Variants in ZC3H11A observed in about 807,000 individuals in gnomAD.
The protein encoded by ZC3H11A is zinc finger CCCH-type containing 11A.
ZC3H11A carries 22 observed loss-of-function variants against 90.8 expected under a neutral mutation model. The observed-to-expected ratio is 0.24, with a 90% CI of 0.17 to 0.35. The LOEUF (loss-of-function observed/expected upper bound fraction) is 0.35. Among genes scored for constraint, ZC3H11A ranks in the 10% least tolerant of loss-of-function variants. The probability of loss-of-function intolerance (pLI) is 1.00; values close to 1 mark genes in which losing one functional copy is unlikely to be tolerated. For missense variants in ZC3H11A, 701 were observed against 964.9 expected (o/e 0.73, Z 3.62); for synonymous variants, 294 against 339.8 (o/e 0.87, Z 1.48).
intron 12 of ZC3H11A, among the ~76,000 whole-genome samples, chr1:203,842,400 C>G (rs1455971318): frequency 6.6e-6 from 1 of 152,188 alleles, no homozygotes; most frequent in Non-Finnish European, 1.5e-5. Flanking sequence ...AGCTGGAGAC[C>G]AGCCCGGCCA....
Position 203,802,369 on chromosome 1 carries a change from T to C in ZC3H11A, c.-793T>C, listed in dbSNP as rs932489936. On this transcript the variant is annotated 5_prime_UTR_variant, in exon 2 of 18. Coordinates refer to ENST00000367210, the MANE Select transcript of ZC3H11A (RefSeq NM_001376342.1). ...ATAATGAACCCAAATCTAAAGTCTT[T>C]TATAGTGCATTTTAAAAGGGGAAAC... 6.6e-6 allele frequency: 1 copy of C among 152,580 alleles called. No homozygotes were observed. The highest frequency in any genetic ancestry group is 1.5e-5 in the Non-Finnish European group (1 of 68,022). 9.5% of individuals were successfully genotyped at this position (152,580 alleles called of 1,614,324 possible).
At chr1:203,798,228 G>A (rs1266618983) in intron 1 of ZC3H11A, 2 of 1,536,102 alleles carry the variant, frequency 1.3e-6, no homozygotes. Context: ...TGATAAATCA[G>A]CATCTGATGC....
At chr1:203,820,385 A>T (rs1678154618) in intron 4 of ZC3H11A, among the ~76,000 whole-genome samples, 2 of 151,848 alleles carry the variant, frequency 1.3e-5, no homozygotes, top group South Asian at 4.2e-4. Flanking sequence ...TGTTTTTAAG[A>T]ATGTTCTTCA....
intron 11 of ZC3H11A, among the ~76,000 whole-genome samples, 175 bp downstream of exon 11, chr1:203,838,239 C>T (rs1193855392): frequency 1.3e-5 from 2 of 152,020 alleles, no homozygotes; most frequent in Non-Finnish European, 2.9e-5. Context: ...TGGGTAGACA[C>T]CATTGAAAAA....
chr1:203,848,817 A>G lies in ZC3H11A; in HGVS notation c.1623+410A>G, dbSNP rs116509478. On this transcript the variant is annotated intron_variant, in intron 14 of 17. Transcript: ENST00000367210. The stretch of plus-strand genomic sequence containing the variant: ...GCTATGCATCATACAAAAGTTGGAA[A>G]TTTTATTTTTTTTAAAACTGAACAA... 8.1e-3 allele frequency among the ~76,000 whole-genome samples: 1,233 copies of G among 152,284 alleles called. 9 individuals are homozygous for G. The highest frequency in any genetic ancestry group is 0.024 in the Middle Eastern group (7 of 294).
rs184948696 is a variant in ZC3H11A, at chr1:203,807,745, A to G, written c.-146+4729A>G. 1.7e-3 allele frequency among the ~76,000 whole-genome samples: 264 copies of G among 150,916 alleles called. 2 individuals are homozygous for G. Among genetic ancestry groups the G allele is most frequent in the African/African-American group, 6.0e-3 (247 of 41,096 alleles). On this transcript the variant is annotated intron_variant, in intron 2 of 17. Coordinates refer to ENST00000367210, the MANE Select transcript of ZC3H11A (RefSeq NM_001376342.1). Reference sequence around the variant, plus strand: ...TGGTCTCACTATGTTGCCCAGGCTTATTTATTTATTTTTTGAGAGAGGGTC... The same window carrying G: ...TGGTCTCACTATGTTGCCCAGGCTTGTTTATTTATTTTTTGAGAGAGGGTC...
intron 10 of ZC3H11A, chr1:203,835,762 A>T (rs1443110622): frequency 8.3e-6 from 2 of 241,834 alleles, no homozygotes; most frequent in African/African-American, 4.6e-5. Context: ...TTTGCTTTGT[A>T]TACATAAGCA....
intron 2 of ZC3H11A, among the ~76,000 whole-genome samples, chr1:203,808,279 A>G (rs879489075): frequency 6.6e-6 from 1 of 152,180 alleles, no homozygotes; most frequent in African/African-American, 2.4e-5. Flanking sequence ...GTCTTTTGGC[A>G]TTTAGAGATT....
At chr1:203,842,675 A>G (rs1456790443) in intron 12 of ZC3H11A, among the ~76,000 whole-genome samples, 2 of 149,810 alleles carry the variant, frequency 1.3e-5, no homozygotes, top group African/African-American at 4.9e-5. Flanking sequence ...ACTTATTCTC[A>G]GGAGAAACAT....
chr1:203,839,240 TCA>T (rs1422407932), intron 11 of ZC3H11A, among the ~76,000 whole-genome samples: 2 of 152,238 alleles, frequency 1.3e-5, no homozygotes, highest in African/African-American at 4.8e-5. Flanking sequence ...AGACAAGGTT[TCA>T]CAGTGTTGCC....
chr1:203,824,061 G>C (rs1679667849), intron 4 of ZC3H11A, among the ~76,000 whole-genome samples: 1 of 152,028 alleles, frequency 6.6e-6, no homozygotes, highest in Non-Finnish European at 1.5e-5. Flanking sequence ...CTGAGGTCAG[G>C]AGTTTGAGAC....
intron 10 of ZC3H11A, among the ~76,000 whole-genome samples, chr1:203,834,269 C>CTTAT (rs1252542661): frequency 3.9e-5 from 6 of 151,918 alleles, no homozygotes; most frequent in South Asian, 2.1e-4. Context: ...TTGGTGCTTG[C>CTTAT]TTATTTATTT....
Position 203,818,325 on chromosome 1 carries a change from C to CAAAAGTGAAAAGGCACGTGGCA in ZC3H11A, c.55-243_55-242insAAGTGAAAAGGCACGTGGCAAA, listed in dbSNP as rs1486214691. Among the ~76,000 whole-genome samples the CAAAAGTGAAAAGGCACGTGGCA allele has an allele frequency of 3.7e-3, 554 of 150,830 alleles. 4 individuals are homozygous for CAAAAGTGAAAAGGCACGTGGCA. Among genetic ancestry groups the CAAAAGTGAAAAGGCACGTGGCA allele is most frequent in the Non-Finnish European group, 6.7e-3 (448 of 66,996 alleles). ...ACCTAACACTCCTACTTGTCTTTTT[C>CAAAAGTGAAAAGGCACGTGGCA]AACTCTTTTTTTCAGCTTGTGTCAC... On this transcript the variant is annotated intron_variant, in intron 3 of 17. Transcript: ENST00000367210.
intron 4 of ZC3H11A, 29 bp downstream of exon 4, chr1:203,818,718 A>G: frequency 1.2e-6 from 2 of 1,613,740 alleles, no homozygotes; most frequent in Non-Finnish European, 1.7e-6. Flanking sequence ...TTATCATAAT[A>G]AGTAGTCTGG....
intron 2 of ZC3H11A, among the ~76,000 whole-genome samples, chr1:203,816,502 G>A (rs1676424650): frequency 6.6e-6 from 1 of 152,038 alleles, no homozygotes; most frequent in Non-Finnish European, 1.5e-5. Context: ...AGTGGTATGT[G>A]CCTGTAGTCC....
chr1:203,810,445 A>C (rs1256522582), intron 2 of ZC3H11A, among the ~76,000 whole-genome samples: 1 of 141,918 alleles, frequency 7.0e-6, no homozygotes, highest in Non-Finnish European at 1.5e-5. Context: ...TTTGAGACAG[A>C]GTCTCACTCT....
At position 203,850,193 on chromosome 1, in the gene ZC3H11A, G is replaced by T. The variant is rs1688934214; in HGVS notation, c.1939+167G>T. On this transcript the variant is annotated intron_variant, in intron 15 of 17. Transcript: ENST00000367210. ...TTTTTATACAGAGGCAAAACGAGATGAATTCTTTTCTCAGAATTTAAAATT... is the reference window on the plus strand; with the variant it reads ...TTTTTATACAGAGGCAAAACGAGATTAATTCTTTTCTCAGAATTTAAAATT... The T allele has an allele frequency of 4.3e-6, 3 of 694,660 alleles. No homozygotes were observed. In the South Asian group the frequency reaches 5.9e-5, roughly 14 times the overall value. 43.0% of individuals were successfully genotyped at this position (694,660 alleles called of 1,614,324 possible).
chr1:203,846,518 C>G (rs1283602641), intron 12 of ZC3H11A, among the ~76,000 whole-genome samples: 1 of 152,122 alleles, frequency 6.6e-6, no homozygotes, highest in Non-Finnish European at 1.5e-5. Flanking sequence ...ATTATACCTA[C>G]CTTATCAAAG....
chr1:203,811,969 C>A (rs1481537988), intron 2 of ZC3H11A, among the ~76,000 whole-genome samples: 1 of 151,784 alleles, frequency 6.6e-6, no homozygotes, highest in Non-Finnish European at 1.5e-5. Context: ...ATGTGTGCCA[C>A]CATGCTTGGC....
Sources: allele counts gnomAD v4.1 joint callset (sites outside exome capture counted in the v4.1 genomes callset), GRCh38; gene constraint gnomAD v4.1.1; transcripts MANE v1.5; gene names NCBI Gene and HGNC (gene_info 2026-07-23, HGNC 2026-07-21).